The following EPS15 variants were observed in gnomAD, a reference collection of about 807,000 sequenced individuals.
The protein encoded by EPS15 is epidermal growth factor receptor pathway substrate 15, also known as epidermal growth factor receptor substrate 15.
Under a neutral mutation model 113.8 loss-of-function variants are expected in EPS15, and 72 were observed. The observed-to-expected ratio is 0.63, with a 90% CI of 0.52 to 0.77. EPS15 has a LOEUF of 0.77. Ranked by LOEUF, EPS15 falls within the 30% of genes least tolerant of loss-of-function variation. The pLI, the probability that EPS15 is intolerant of heterozygous loss-of-function variation, is 0.00. For missense variants in EPS15, 1,048 were observed against 1,045.8 expected (o/e 1.00, Z -0.03); for synonymous variants, 344 against 363.4 (o/e 0.95, Z 0.61).
chr1:51,409,666 T>C lies in EPS15; in HGVS notation c.1144A>G (p.Thr382Ala). 1 of 1,611,698 alleles carries C rather than the reference T, an allele frequency of 6.2e-7. No individual in the cohort carries two copies. The highest frequency in any genetic ancestry group is 8.5e-7 in the Non-Finnish European group (1 of 1,178,996). ...DLQDEVQRENTNLQKLQAQKQ... is the reference protein window; with the variant it reads ...DLQDEVQRENANLQKLQAQKQ... ...TGGGCCTGTAGTTTTTGCAGATTAG[T>C]ATTCTCCCTTTGAACTTCATCTTGA... The change falls in exon 14 of 25, where the codon ACT becomes GCT. Residue 382 changes from threonine to alanine, a missense_variant. Thr to Ala is a moderately conservative substitution (Grantham distance 58, BLOSUM62 0). Coordinates refer to ENST00000371733, the MANE Select transcript of EPS15 (RefSeq NM_001981.3).
chr1:51,356,073 AT>A lies in EPS15; in HGVS notation c.*626del. On this transcript the variant is annotated 3_prime_UTR_variant, in exon 25 of 25. Transcript: ENST00000371733. ...TTTATTTCACACATGAGGCTTTAAT[AT>A]TTTTAGTTAGGAAAAGATCGAATCT... is the stretch of plus-strand genomic sequence containing the variant. 5.0e-6 allele frequency: 1 copy of A among 201,698 alleles called. No homozygotes were observed. The highest frequency in any genetic ancestry group is 1.0e-5 in the Non-Finnish European group (1 of 98,092). 12.5% of individuals were successfully genotyped at this position (201,698 alleles called of 1,614,324 possible).
intron 21 of EPS15, among the ~76,000 whole-genome samples, chr1:51,390,810 AAAC>A (rs529336174): frequency 0.014 from 2,126 of 152,258 alleles, 49 homozygotes; most frequent in African/African-American, 0.049. Flanking sequence ...AAAAGTCAGG[AAAC>A]AACAGGTGCT....
rs370537115 is a variant in EPS15, at chr1:51,408,860, C to T, written c.1276-528G>A. On this transcript the variant is annotated intron_variant, in intron 14 of 24. Coordinates refer to ENST00000371733, the MANE Select transcript of EPS15 (RefSeq NM_001981.3). ...TGTTGCCCAGGCTGGAGTGCAGTGG[C>T]GTGATCTCAGCTCACTGCAAGCTCC... 1.3e-4 allele frequency among the ~76,000 whole-genome samples: 19 copies of T among 147,104 alleles called. No individual in the cohort carries two copies. In the East Asian group the frequency reaches 3.4e-3, roughly 26 times the overall value.
intron 1 of EPS15, among the ~76,000 whole-genome samples, chr1:51,484,416 A>C (rs1393641112): frequency 2.6e-5 from 4 of 152,082 alleles, no homozygotes; most frequent in Non-Finnish European, 5.9e-5. Flanking sequence ...AATTTTTTAA[A>C]TAAAAAATTA....
chr1:51,382,489 G>C (rs1028113687), intron 21 of EPS15: 3 of 150,252 alleles, frequency 2.0e-5, no homozygotes, highest in African/African-American at 7.4e-5. Context: ...TGTAATCTCG[G>C]CTCACTGCAA....
intron 1 of EPS15, among the ~76,000 whole-genome samples, chr1:51,483,803 T>TA (rs112681342): frequency 3.6e-4 from 49 of 134,596 alleles, no homozygotes; most frequent in South Asian, 7.1e-4. Flanking sequence ...AGACTCCACC[T>TA]AAAAAAAAAA....
At chr1:51,378,104 G>A (rs564797118) in intron 21 of EPS15, among the ~76,000 whole-genome samples, 6 of 151,856 alleles carry the variant, frequency 4.0e-5, no homozygotes, top group East Asian at 1.9e-4. Context: ...ACCATGTTGC[G>A]CAGGCTGGTC....
Position 51,461,120 on chromosome 1 carries a change from C to T in EPS15, c.532G>A (p.Gly178Arg). ...VWELSDIDHD[G>R]MLDRDEFAVA... is the part of the protein sequence containing the mutation. ...GCAAACTCATCTCTGTCAAGCATTC[C>T]ATCATGGTCAATATCACTCAACTCC... Residue 178 changes from glycine to arginine, a missense_variant, in exon 8 of 25, where the codon GGA becomes AGA. Transcript: ENST00000371733. 6.2e-7 allele frequency: 1 copy of T among 1,604,086 alleles called. No individual in the cohort carries two copies. Among genetic ancestry groups the T allele is most frequent in the Non-Finnish European group, 8.5e-7 (1 of 1,170,984 alleles).
intron 1 of EPS15, among the ~76,000 whole-genome samples, chr1:51,483,713 G>C (rs1237745355): frequency 6.6e-6 from 1 of 152,028 alleles, no homozygotes; most frequent in African/African-American, 2.4e-5. Context: ...GGCTGAGGCA[G>C]GGGAATTGCT....
chr1:51,418,273 A>G (rs1429488990), intron 13 of EPS15, among the ~76,000 whole-genome samples: 1 of 152,092 alleles, frequency 6.6e-6, no homozygotes, highest in African/African-American at 2.4e-5. Context: ...GGACACACAT[A>G]AACACACACA....
chr1:51,406,212 A>C, intron 15 of EPS15, 104 bp from the exon 16 acceptor site: 84 of 921,090 alleles, frequency 9.1e-5, no homozygotes, highest in Non-Finnish European at 1.3e-4. Context: ...GTGGTAGCTC[A>C]TGCCTATAAT....
intron 12 of EPS15, among the ~76,000 whole-genome samples, chr1:51,435,608 T>C (rs779439974): frequency 2.0e-5 from 3 of 152,226 alleles, no homozygotes; most frequent in African/African-American, 4.8e-5. Flanking sequence ...AAGTAAGTCT[T>C]GGAAATATTC....
At chr1:51,386,007 C>A (rs1386274170) in intron 21 of EPS15, among the ~76,000 whole-genome samples, 1 of 152,056 alleles carries the variant, frequency 6.6e-6, no homozygotes, top group Non-Finnish European at 1.5e-5. Flanking sequence ...GTGAACTGTA[C>A]ATTTAAAAAA....
At chr1:51,372,400 A>G in intron 21 of EPS15, 1 of 536,170 alleles carries the variant, frequency 1.9e-6, no homozygotes, top group Non-Finnish European at 3.8e-6. Context: ...TGGCAGACAA[A>G]AGTACTTGAT....
intron 8 of EPS15, among the ~76,000 whole-genome samples, chr1:51,456,902 A>G (rs902034186): frequency 2.6e-5 from 4 of 152,216 alleles, no homozygotes; most frequent in Admixed American, 2.6e-4. Flanking sequence ...CAAAACTGGA[A>G]GAAAAATACC....
At chr1:51,399,283 G>T in intron 19 of EPS15, 118 bp from the exon 20 acceptor site, 2 of 858,268 alleles carry the variant, frequency 2.3e-6, no homozygotes, top group South Asian at 1.8e-5. Context: ...AGGTGCAGTG[G>T]CTCACGTCTG....
chr1:51,393,907 A>G (rs1455904372), intron 21 of EPS15, among the ~76,000 whole-genome samples: 1 of 152,220 alleles, frequency 6.6e-6, no homozygotes, highest in Non-Finnish European at 1.5e-5. Context: ...AAGTTATTAA[A>G]AGAATAAATA....
intron 21 of EPS15, among the ~76,000 whole-genome samples, chr1:51,368,153 AAAAAG>A (rs1421523778): frequency 6.6e-6 from 1 of 152,184 alleles, no homozygotes; most frequent in African/African-American, 2.4e-5. Context: ...AATAAAATAA[AAAAAG>A]AAAAGTTATC....
intron 1 of EPS15, among the ~76,000 whole-genome samples, chr1:51,493,602 G>T (rs1460243750): frequency 1.3e-5 from 2 of 150,752 alleles, no homozygotes; most frequent in African/African-American, 4.9e-5. Context: ...ATTCTTTTGA[G>T]GCTCTTAACT....
Sources: gnomAD v4.1 joint callset for allele counts (sites outside exome capture counted in the v4.1 genomes callset) on GRCh38, gnomAD v4.1.1 for gene constraint, MANE v1.5 for transcripts, NCBI Gene and HGNC (gene_info 2026-07-23, HGNC 2026-07-21) for gene names.